Variants in ARHGAP26 observed in about 807,000 individuals in gnomAD.
ARHGAP26 encodes rho GTPase-activating protein 26.
Under a neutral mutation model 104.8 loss-of-function variants are expected in ARHGAP26, and 38 were observed. The ratio of observed to expected loss-of-function variants is 0.36; its 90% CI spans 0.28 to 0.48. The LOEUF is 0.48. Ranked by LOEUF, ARHGAP26 falls within the 20% of genes least tolerant of loss-of-function variation. The pLI is 0.99. For synonymous variants in ARHGAP26, 341 were observed against 340.0 expected (o/e 1.00, Z -0.03); for missense variants, 704 against 947.9 (o/e 0.74, Z 3.38).
chr5:143,083,207 G>A (rs1790063137), intron 17 of ARHGAP26, among the ~76,000 whole-genome samples: 1 of 152,152 alleles, frequency 6.6e-6, no homozygotes, highest in African/African-American at 2.4e-5. Context: ...TTAGGCCACG[G>A]ATCACTTCCT....
intron 20 of ARHGAP26, among the ~76,000 whole-genome samples, chr5:143,164,299 G>A (rs949442890): frequency 2.6e-5 from 4 of 152,114 alleles, no homozygotes; most frequent in Admixed American, 6.5e-5. Context: ...ATGGGTCAGG[G>A]GAAGTTTTAC....
intron 20 of ARHGAP26, among the ~76,000 whole-genome samples, chr5:143,205,523 A>G (rs536217438): frequency 2.6e-5 from 4 of 152,242 alleles, no homozygotes; most frequent in Non-Finnish European, 5.9e-5. Context: ...AGGTATCTAA[A>G]GGAAACACAT....
intron 17 of ARHGAP26, among the ~76,000 whole-genome samples, chr5:143,094,911 G>T (rs1333276760): frequency 6.6e-6 from 1 of 152,062 alleles, no homozygotes; most frequent in African/African-American, 2.4e-5. Flanking sequence ...AATCAAAAAA[G>T]GTTGCTTTAA....
At chr5:142,909,697 A>T (rs1024059364) in intron 9 of ARHGAP26, among the ~76,000 whole-genome samples, 1 of 152,168 alleles carries the variant, frequency 6.6e-6, no homozygotes, top group Non-Finnish European at 1.5e-5. Flanking sequence ...AATATTAAAA[A>T]CCTACATTAT....
intron 16 of ARHGAP26, among the ~76,000 whole-genome samples, chr5:143,056,316 CTTTTTTTTTTTT>C (rs10672936): frequency 7.5e-5 from 6 of 80,070 alleles, no homozygotes; most frequent in East Asian, 4.0e-4. Context: ...CTTCAGAAGT[CTTTTTTTTTTTT>C]TTTTTTTTTT....
At chr5:142,872,227 C>T (rs893602989) in intron 1 of ARHGAP26, among the ~76,000 whole-genome samples, 3 of 151,694 alleles carry the variant, frequency 2.0e-5, no homozygotes, top group Admixed American at 1.3e-4. Flanking sequence ...GTGGAAAACA[C>T]GATCCCTAAC....
intron 14 of ARHGAP26, among the ~76,000 whole-genome samples, chr5:143,045,592 A>G (rs1784105815): frequency 6.6e-6 from 1 of 152,228 alleles, no homozygotes; most frequent in African/African-American, 2.4e-5. Context: ...ACCTTTCATT[A>G]ACTATTTCTT....
chr5:143,185,899 G>A lies in ARHGAP26; in HGVS notation c.1989-21299G>A, dbSNP rs759979793. 2.0e-5 allele frequency among the ~76,000 whole-genome samples: 3 copies of A among 152,138 alleles called. No homozygotes were observed. The South Asian group carries it at 6.2e-4, about 32-fold the overall frequency. On this transcript the variant is annotated intron_variant, in intron 20 of 22. Transcript: ENST00000645722. ...CTTTCCCACTTGACCTTGCATCCCCGGTGGGAAGTTTCTCACTGAATGTCC... is the reference window on the plus strand; with the variant it reads ...CTTTCCCACTTGACCTTGCATCCCCAGTGGGAAGTTTCTCACTGAATGTCC...
chr5:143,053,717 C>G lies in ARHGAP26; in HGVS notation c.1286-722C>G, dbSNP rs557336816. ...TCTCATTGCACATTTGAGCTTAAAG[C>G]AATTTTTTTAAAAATACAAAAGTAA... On this transcript the variant is annotated intron_variant, in intron 14 of 22. Transcript: ENST00000645722. Among the ~76,000 whole-genome samples the G allele has an allele frequency of 3.3e-5, 5 of 152,286 alleles. No individual in the cohort carries two copies. In the East Asian group the frequency reaches 9.6e-4, roughly 29 times the overall value.
chr5:143,129,565 A>G (rs942278268), intron 18 of ARHGAP26, among the ~76,000 whole-genome samples: 4 of 152,222 alleles, frequency 2.6e-5, no homozygotes, highest in Non-Finnish European at 4.4e-5. Context: ...CAGTCAAGCC[A>G]TCTAGGTCCC....
chr5:143,205,964 T>G lies in ARHGAP26; in HGVS notation c.1989-1234T>G, dbSNP rs567424600. 2.0e-5 allele frequency among the ~76,000 whole-genome samples: 3 copies of G among 152,388 alleles called. No individual in the cohort carries two copies. The South Asian group carries it at 6.2e-4, about 32-fold the overall frequency. ...ACGTAATGGAATTTAATAAAGTGTT[T>G]ATCAGTCACATTAGTTTGAGCCTCT... On this transcript the variant is annotated intron_variant, in intron 20 of 22. Coordinates refer to ENST00000645722, the MANE Select transcript of ARHGAP26 (RefSeq NM_001135608.3).
At chr5:143,048,696 A>C (rs546847951) in intron 14 of ARHGAP26, among the ~76,000 whole-genome samples, 35 of 151,948 alleles carry the variant, frequency 2.3e-4, no homozygotes, top group African/African-American at 8.4e-4. Flanking sequence ...AGGGCGGATC[A>C]CAAGGTCAGG....
intron 19 of ARHGAP26, among the ~76,000 whole-genome samples, chr5:143,140,379 G>C (rs1798372848): frequency 1.3e-5 from 2 of 152,124 alleles, no homozygotes; most frequent in Admixed American, 1.3e-4. Context: ...CTGAGACCTG[G>C]AGTACGTTAC....
intron 5 of ARHGAP26, among the ~76,000 whole-genome samples, chr5:142,888,444 G>A (rs907541815): frequency 6.6e-6 from 1 of 152,126 alleles, no homozygotes; most frequent in Non-Finnish European, 1.5e-5. Flanking sequence ...TTCTCGTAGG[G>A]GTCAGGTGTT....
intron 11 of ARHGAP26, among the ~76,000 whole-genome samples, chr5:142,996,041 G>C (rs549744633): frequency 6.6e-5 from 10 of 152,106 alleles, no homozygotes; most frequent in Admixed American, 1.3e-4. Flanking sequence ...GGGCCTACTG[G>C]GGGGTGGGGA....
intron 17 of ARHGAP26, among the ~76,000 whole-genome samples, chr5:143,059,292 G>C (rs2150307716): frequency 6.6e-6 from 1 of 152,322 alleles, no homozygotes; most frequent in East Asian, 1.9e-4. Flanking sequence ...GAAGGGTTAG[G>C]AACCATCTGA....
intron 14 of ARHGAP26, 91 bp downstream of exon 14, chr5:143,041,981 G>C: frequency 8.8e-7 from 1 of 1,135,612 alleles, no homozygotes; most frequent in Non-Finnish European, 1.3e-6. Flanking sequence ...ACAGCCTGTG[G>C]CAAAGGAATC....
intron 7 of ARHGAP26, among the ~76,000 whole-genome samples, chr5:142,903,262 A>AT (rs1251018459): frequency 1.3e-5 from 2 of 152,262 alleles, no homozygotes; most frequent in East Asian, 3.9e-4. Flanking sequence ...ACTTTTTGGC[A>AT]TCCAGAGGTG....
At chr5:143,177,791 A>C (rs2151168428) in intron 20 of ARHGAP26, among the ~76,000 whole-genome samples, 1 of 152,186 alleles carries the variant, frequency 6.6e-6, no homozygotes, top group South Asian at 2.1e-4. Flanking sequence ...TCTAAGCTGT[A>C]ACGTAGGTCA....
Sources: gnomAD v4.1 joint callset for allele counts (sites outside exome capture counted in the v4.1 genomes callset) on GRCh38, gnomAD v4.1.1 for gene constraint, MANE v1.5 for transcripts, NCBI Gene and HGNC (gene_info 2026-07-23, HGNC 2026-07-21) for gene names.